PAK5: variants seen among roughly 807,000 people sequenced by gnomAD.
The protein encoded by PAK5 is serine/threonine-protein kinase PAK 5.
In PAK5, 16 loss-of-function variants were observed where a neutral mutation model predicts 65.9. The ratio of observed to expected loss-of-function variants is 0.24; its 90% CI spans 0.16 to 0.37. The LOEUF is 0.37. Ranked by LOEUF, PAK5 falls within the 10% of genes least tolerant of loss-of-function variation. The pLI, the probability that PAK5 is intolerant of heterozygous loss-of-function variation, is 1.00. For synonymous variants in PAK5, 371 were observed against 354.9 expected, an observed-to-expected ratio of 1.05 and a Z score of -0.51; for missense variants, 785 against 903.9, an observed-to-expected ratio of 0.87 and a Z score of 1.69.
intron 3 of PAK5, among the ~76,000 whole-genome samples, chr20:9,608,239 A>G (rs1412762931): frequency 6.6e-6 from 1 of 152,238 alleles, no homozygotes; most frequent in Admixed American, 6.5e-5. Flanking sequence ...TATTCATTCT[A>G]TAGCAGGTAG....
intron 3 of PAK5, among the ~76,000 whole-genome samples, chr20:9,611,619 T>C (rs535426587): frequency 1.3e-5 from 2 of 152,342 alleles, no homozygotes; most frequent in Admixed American, 1.3e-4. Context: ...CCCGTGTATA[T>C]GCAAGCTGCA....
chr20:9,833,588 C>G (rs976936874), intron 1 of PAK5, among the ~76,000 whole-genome samples: 1 of 151,954 alleles, frequency 6.6e-6, no homozygotes, highest in Non-Finnish European at 1.5e-5. Context: ...CCCATCTTAC[C>G]ACCACCACTC....
intron 1 of PAK5, among the ~76,000 whole-genome samples, chr20:9,795,690 C>G (rs1243228680): frequency 6.6e-6 from 1 of 151,978 alleles, no homozygotes. Flanking sequence ...AAAAGGAATA[C>G]ATGGAACTTA....
chr20:9,570,921 AAAG>A (rs1444235092), intron 4 of PAK5, among the ~76,000 whole-genome samples: 1 of 152,226 alleles, frequency 6.6e-6, no homozygotes, highest in African/African-American at 2.4e-5. Context: ...CATATGACAT[AAAG>A]AAGAAGCCTG....
chr20:9,566,884 AAAT>A (rs1286089749), intron 4 of PAK5, among the ~76,000 whole-genome samples: 4 of 152,170 alleles, frequency 2.6e-5, no homozygotes, highest in African/African-American at 9.7e-5. Context: ...AAATAAGTAC[AAAT>A]ATAATTGAGA....
At chr20:9,554,748 T>A (rs2045481540) in intron 7 of PAK5, among the ~76,000 whole-genome samples, 1 of 152,202 alleles carries the variant, frequency 6.6e-6, no homozygotes, top group South Asian at 2.1e-4. Flanking sequence ...TTCCTACAGA[T>A]ACTGGAGAAA....
chr20:9,667,040 G>A (rs561747208), intron 2 of PAK5, among the ~76,000 whole-genome samples: 14 of 152,332 alleles, frequency 9.2e-5, no homozygotes, highest in Admixed American at 9.2e-4. Context: ...CACTTGGGAA[G>A]CCAAGGCTGG....
At chr20:9,655,990 C>G (rs1355497207) in intron 2 of PAK5, among the ~76,000 whole-genome samples, 2 of 152,136 alleles carry the variant, frequency 1.3e-5, no homozygotes, top group African/African-American at 4.8e-5. Flanking sequence ...TTTAAAGTCC[C>G]TACCTCCCAA....
At chr20:9,687,168 C>T (rs1214631565) in intron 2 of PAK5, among the ~76,000 whole-genome samples, 1 of 152,174 alleles carries the variant, frequency 6.6e-6, no homozygotes, top group African/African-American at 2.4e-5. Context: ...AAAGAGGCCT[C>T]AGCCCCAAGG....
chr20:9,773,403 G>A (rs1298152027), intron 1 of PAK5, among the ~76,000 whole-genome samples: 2 of 150,896 alleles, frequency 1.3e-5, no homozygotes, highest in African/African-American at 4.9e-5. Flanking sequence ...CCGACCCCAC[G>A]ACAGGCCCTG....
chr20:9,739,158 C>G (rs2048423234), intron 1 of PAK5, among the ~76,000 whole-genome samples: 1 of 151,984 alleles, frequency 6.6e-6, no homozygotes, highest in Non-Finnish European at 1.5e-5. Flanking sequence ...TCTCAAATAT[C>G]ATGATGCCAC....
At chr20:9,661,173 A>T (rs2047340971) in intron 2 of PAK5, among the ~76,000 whole-genome samples, 1 of 152,154 alleles carries the variant, frequency 6.6e-6, no homozygotes. Context: ...ACTTAATCTA[A>T]AACAATGATT....
At chr20:9,717,084 CA>C (rs58508007) in intron 1 of PAK5, among the ~76,000 whole-genome samples, 502 of 122,092 alleles carry the variant, frequency 4.1e-3, no homozygotes, top group Admixed American at 4.0e-3. Context: ...GAACTTATCT[CA>C]AAAAAAAAAA....
chr20:9,654,077 G>A (rs748791139), intron 2 of PAK5, among the ~76,000 whole-genome samples: 2 of 151,484 alleles, frequency 1.3e-5, no homozygotes, highest in South Asian at 2.1e-4. Flanking sequence ...GGGTTCAAGC[G>A]ATTCTCTGGC....
chr20:9,566,363 T>G lies in PAK5; in HGVS notation c.1012A>C (p.Met338Leu), dbSNP rs376623256. The G allele has an allele frequency of 6.2e-7, 1 of 1,613,454 alleles. No individual in the cohort carries two copies. Among genetic ancestry groups the G allele is most frequent in the Non-Finnish European group, 8.5e-7 (1 of 1,179,800 alleles). ...CCTGACAGTGGAGGGCTGAGGACCA[T>G]CTGTGCTCGATCGTAATCCACCTGG... Reference protein sequence around the residue: ...IPKVDYDRAQMVLSPPLSGSD... With the variant: ...IPKVDYDRAQLVLSPPLSGSD... Residue 338 changes from methionine to leucine, a missense_variant, in exon 5 of 10, where the codon ATG becomes CTG. Physicochemically the swap from Met to Leu is conservative, Grantham distance 15 (BLOSUM62 2). This residue lies in a region of PAK5 where 422 missense variants were observed against 413.3 expected (regional missense o/e 1.02). Transcript: ENST00000353224.
intron 3 of PAK5, among the ~76,000 whole-genome samples, chr20:9,612,890 T>C (rs2046589441): frequency 6.6e-6 from 1 of 152,132 alleles, no homozygotes; most frequent in South Asian, 2.1e-4. Context: ...TAGTTTTTAC[T>C]GTATCTCCCC....
At chr20:9,635,272 A>T (rs1448393012) in intron 3 of PAK5, among the ~76,000 whole-genome samples, 2 of 152,236 alleles carry the variant, frequency 1.3e-5, no homozygotes, top group Non-Finnish European at 2.9e-5. Flanking sequence ...TATTAGATCA[A>T]TATATTTGGT....
chr20:9,665,330 C>T (rs1024933921), intron 2 of PAK5, among the ~76,000 whole-genome samples: 2 of 152,012 alleles, frequency 1.3e-5, no homozygotes, highest in Non-Finnish European at 2.9e-5. Context: ...AATATCTCAT[C>T]CACCCACTCC....
At position 9,542,680 on chromosome 20, in the gene PAK5, A is replaced by G. The variant is rs1440623678; in HGVS notation, c.1910T>C (p.Ile637Thr). 5.0e-6 allele frequency: 8 copies of G among 1,613,886 alleles called. No homozygotes were observed. In the Admixed American group the frequency reaches 1.0e-4, roughly 20 times the overall value. The change falls in exon 9 of 10, where the codon ATT becomes ACT. Residue 637 changes from isoleucine to threonine, a missense_variant. Coordinates refer to ENST00000353224, the MANE Select transcript of PAK5 (RefSeq NM_177990.4). ...ATTGAAGTAGGGGGGCTCGCCATCAATCATTTCTATCACCATGATCCCGAG... is the reference window on the plus strand; with the variant it reads ...ATTGAAGTAGGGGGGCTCGCCATCAGTCATTTCTATCACCATGATCCCGAG... The part of the protein sequence containing the change: ...WSLGIMVIEM[I>T]DGEPPYFNEP...
Sources: allele counts gnomAD v4.1 joint callset (sites outside exome capture counted in the v4.1 genomes callset), GRCh38; gene constraint gnomAD v4.1.1; regional missense constraint gnomAD v4.1.1; transcripts MANE v1.5; gene names NCBI Gene and HGNC (gene_info 2026-07-23, HGNC 2026-07-21).